Variants in ADAM10 observed in about 807,000 individuals in gnomAD.
The protein encoded by ADAM10 is ADAM metallopeptidase domain 10, also known as disintegrin and metalloproteinase domain-containing protein 10.
Under a neutral mutation model 90.1 loss-of-function variants are expected in ADAM10, and 17 were observed. The observed-to-expected ratio is 0.19, with a 90% confidence interval of 0.13 to 0.28. The LOEUF is 0.28. Ranked by LOEUF, ADAM10 falls within the 10% of genes least tolerant of loss-of-function variation. The pLI, the probability that ADAM10 is intolerant of heterozygous loss-of-function variation, is 1.00. For synonymous variants in ADAM10, 310 were observed against 298.6 expected (o/e 1.04, Z -0.40); for missense variants, 610 against 914.3 (o/e 0.67, Z 4.29).
intron 5 of ADAM10, among the ~76,000 whole-genome samples, chr15:58,650,641 C>T (rs1304589252): frequency 2.0e-5 from 3 of 152,112 alleles, no homozygotes; most frequent in East Asian, 1.9e-4. Context: ...AACCAAATAC[C>T]AGTATCACCA....
At chr15:58,680,761 G>C (rs1897411522) in intron 3 of ADAM10, among the ~76,000 whole-genome samples, 1 of 152,146 alleles carries the variant, frequency 6.6e-6, no homozygotes, top group Non-Finnish European at 1.5e-5. Context: ...AGTTGCCTCT[G>C]AATTAATCAT....
In ADAM10 at chr15:58,664,038, A is replaced by C. The variant is rs113686061; in HGVS notation, c.585+1059T>G. 3.6e-3 allele frequency among the ~76,000 whole-genome samples: 545 copies of C among 152,220 alleles called. 5 individuals are homozygous for C. The highest frequency in any genetic ancestry group is 0.013 in the African/African-American group (521 of 41,554). Reference sequence around the variant, plus strand: ...AACAACTTCTCATTAGTCTCCTAAAATCTACTCTTAAACTCTACCCTCATG... The same window carrying C: ...AACAACTTCTCATTAGTCTCCTAAACTCTACTCTTAAACTCTACCCTCATG... On this transcript the variant is annotated intron_variant, in intron 5 of 15. Coordinates refer to ENST00000260408, the MANE Select transcript of ADAM10 (RefSeq NM_001110.4).
At chr15:58,599,802 CATAGA>C (rs1300776502) in intron 14 of ADAM10, 78 bp from the exon 15 acceptor site, 20 of 1,418,374 alleles carry the variant, frequency 1.4e-5, no homozygotes, top group Middle Eastern at 1.8e-4. Context: ...GTATATAAAA[CATAGA>C]ATAGAACACA....
intron 11 of ADAM10, among the ~76,000 whole-genome samples, chr15:58,617,321 A>G (rs895872898): frequency 6.6e-6 from 1 of 152,066 alleles, no homozygotes; most frequent in Non-Finnish European, 1.5e-5. Context: ...AATAAATGGG[A>G]AAACCGAATG....
chr15:58,683,804 G>A (rs1290084759), intron 2 of ADAM10, among the ~76,000 whole-genome samples: 1 of 136,904 alleles, frequency 7.3e-6, no homozygotes, highest in African/African-American at 2.8e-5. Context: ...AGGCTACAGT[G>A]AGCCAAGATC....
intron 6 of ADAM10, among the ~76,000 whole-genome samples, chr15:58,645,078 G>A (rs752557059): frequency 6.6e-6 from 1 of 152,138 alleles, no homozygotes; most frequent in African/African-American, 2.4e-5. Context: ...TGTATGTATA[G>A]TCTCAAAGTT....
intron 1 of ADAM10, among the ~76,000 whole-genome samples, chr15:58,729,894 G>A (rs1490086601): frequency 4.0e-5 from 6 of 151,730 alleles, no homozygotes; most frequent in East Asian, 1.9e-4. Context: ...CCCAGGAGGC[G>A]GAGGCTGCGG....
rs78476054 is a variant in ADAM10, at chr15:58,738,180, T to C, written c.55+11300A>G. Among the ~76,000 whole-genome samples the C allele has an allele frequency of 2.4e-3, 367 of 152,340 alleles. 11 individuals carry two copies. In the East Asian group the frequency reaches 0.068, roughly 28 times the overall value. ...ATTTCAAAATGAGGTACCAACAGCA[T>C]TTTTCCCCAACATAAAAATATATTT... is the stretch of plus-strand genomic sequence containing the variant. On this transcript the variant is annotated intron_variant, in intron 1 of 15. Transcript: ENST00000260408.
At chr15:58,697,108 A>C (rs1422650591) in intron 2 of ADAM10, among the ~76,000 whole-genome samples, 1 of 152,172 alleles carries the variant, frequency 6.6e-6, no homozygotes, top group East Asian at 1.9e-4. Flanking sequence ...GGCCTAAGTT[A>C]GACTGTAAGA....
At chr15:58,669,853 G>GT (rs1897155814) in intron 4 of ADAM10, among the ~76,000 whole-genome samples, 1 of 152,098 alleles carries the variant, frequency 6.6e-6, no homozygotes. Context: ...TTTATGCTGA[G>GT]TTAAAGCCAG....
chr15:58,718,424 T>C (rs1898735259), intron 1 of ADAM10, among the ~76,000 whole-genome samples: 1 of 152,028 alleles, frequency 6.6e-6, no homozygotes, highest in Non-Finnish European at 1.5e-5. Flanking sequence ...TATACCGGCT[T>C]ACAGTTTTCT....
chr15:58,734,473 T>C (rs1326701238), intron 1 of ADAM10, among the ~76,000 whole-genome samples: 1 of 152,260 alleles, frequency 6.6e-6, no homozygotes, highest in Non-Finnish European at 1.5e-5. Context: ...TAAGTCACCA[T>C]ATTTCTGATA....
chr15:58,705,899 T>C (rs931754857), intron 2 of ADAM10, among the ~76,000 whole-genome samples: 6 of 151,804 alleles, frequency 4.0e-5, no homozygotes, highest in Non-Finnish European at 5.9e-5. Flanking sequence ...TTATTTGTTA[T>C]TGTTGTTAAT....
chr15:58,695,883 G>A (rs1279360661), intron 2 of ADAM10, among the ~76,000 whole-genome samples: 2 of 151,914 alleles, frequency 1.3e-5, no homozygotes, highest in African/African-American at 4.8e-5. Context: ...TTGGGAGGCC[G>A]AGGCGGGTGG....
At chr15:58,624,962 G>T (rs943321427) in intron 10 of ADAM10, among the ~76,000 whole-genome samples, 29 of 152,114 alleles carry the variant, frequency 1.9e-4, no homozygotes, top group African/African-American at 6.5e-4. Flanking sequence ...ATTTCAGAAG[G>T]TTTACTGTGA....
At chr15:58,680,592 A>G (rs183948285) in intron 3 of ADAM10, among the ~76,000 whole-genome samples, 8 of 152,324 alleles carry the variant, frequency 5.3e-5, no homozygotes, top group African/African-American at 1.9e-4. Flanking sequence ...TTTGGTTCTT[A>G]ATATAATCAC....
intron 2 of ADAM10, among the ~76,000 whole-genome samples, chr15:58,689,980 C>T (rs1392905570): frequency 7.1e-6 from 1 of 141,216 alleles, no homozygotes; most frequent in Non-Finnish European, 1.5e-5. Context: ...ACTGATATTC[C>T]TTATGAACAT....
rs555994502 is a variant in ADAM10, at chr15:58,664,935, C to G, written c.585+162G>C. 1.1e-4 allele frequency among the ~76,000 whole-genome samples: 17 copies of G among 152,200 alleles called. No individual in the cohort carries two copies. In the East Asian group the frequency reaches 2.9e-3, roughly 26 times the overall value. The stretch of plus-strand genomic sequence containing the variant: ...TTGTATTCAAACCTCAGTCCTATCT[C>G]TTTATTATTGGCACGTTACCTGGCC... On this transcript the variant is annotated intron_variant, in intron 5 of 15. Coordinates refer to ENST00000260408, the MANE Select transcript of ADAM10 (RefSeq NM_001110.4).
At chr15:58,729,497 C>G (rs1161861404) in intron 1 of ADAM10, among the ~76,000 whole-genome samples, 1 of 152,188 alleles carries the variant, frequency 6.6e-6, no homozygotes, top group Non-Finnish European at 1.5e-5. Flanking sequence ...GGCTCTACCC[C>G]AGACTACCCC....
Sources: gnomAD v4.1 joint callset for allele counts (sites outside exome capture counted in the v4.1 genomes callset) on GRCh38, gnomAD v4.1.1 for gene constraint, MANE v1.5 for transcripts, NCBI Gene and HGNC (gene_info 2026-07-23, HGNC 2026-07-21) for gene names.